The following TMEM39B variants were observed in gnomAD, a reference collection of about 807,000 sequenced individuals.
The protein encoded by TMEM39B is transmembrane protein 39B.
TMEM39B carries 23 observed loss-of-function variants against 52.2 expected under a neutral mutation model. The observed-to-expected ratio is 0.44, with a 90% CI of 0.32 to 0.62. The LOEUF (loss-of-function observed/expected upper bound fraction) is 0.62, where lower values mean the gene tolerates loss of function less well. Among genes scored for constraint, TMEM39B ranks in the 20% least tolerant of loss-of-function variants. The pLI, the probability that TMEM39B is intolerant of heterozygous loss-of-function variation, is 0.06. For synonymous variants in TMEM39B, 285 were observed against 264.0 expected (o/e 1.08, Z -0.77); for missense variants, 547 against 642.0 (o/e 0.85, Z 1.60).
intron 5 of TMEM39B, among the ~76,000 whole-genome samples, chr1:32,083,589 AT>A (rs1162811952): frequency 6.7e-6 from 1 of 149,318 alleles, no homozygotes; most frequent in African/African-American, 2.5e-5. Flanking sequence ...CGCCTGGCTA[AT>A]TTTTTGTATT....
intron 5 of TMEM39B, among the ~76,000 whole-genome samples, chr1:32,085,304 T>C (rs1162751964): frequency 6.6e-6 from 1 of 152,188 alleles, no homozygotes; most frequent in Non-Finnish European, 1.5e-5. Flanking sequence ...TCTCTCTCTC[T>C]CTCTCTTTGT....
rs1639801937 is a variant in TMEM39B, at chr1:32,075,179, G to A, written c.131+102G>A. 2.7e-5 allele frequency: 39 copies of A among 1,449,000 alleles called. No homozygotes were observed. In the South Asian group the frequency reaches 5.3e-4, roughly 20 times the overall value. The allele number at this position is 1,449,000 out of a possible 1,614,324, so 89.8% of individuals were successfully genotyped here. On this transcript the variant is annotated intron_variant, in intron 2 of 8. Transcript: ENST00000336294. ...CTAAGATGTGAAATCCTAGATGCCA[G>A]TGGGGGCTTAGAGGGGAGTAAGCAG...
chr1:32,087,345 C>T (rs796403834), intron 5 of TMEM39B, among the ~76,000 whole-genome samples: 24 of 139,586 alleles, frequency 1.7e-4, no homozygotes, highest in South Asian at 2.3e-4. Flanking sequence ...AAAAAAAGGC[C>T]GGGTGCGGTG....
rs774545528 is a variant in TMEM39B, at chr1:32,100,395, T to A, written c.1116-47T>A. 4 of 1,515,118 alleles carry A rather than the reference T, an allele frequency of 2.6e-6. No homozygotes were observed. In the South Asian group the frequency reaches 5.4e-5, roughly 20 times the overall value. The allele number at this position is 1,515,118 out of a possible 1,614,324, so 93.9% of individuals were successfully genotyped here. A position where few individuals can be genotyped will look rare whatever the true frequency, so the allele number is the denominator to read the frequency against. ...CCTGCCCATTCTTCTGGTATCCCTT[T>A]TGTGGGTGAGCTGGGGATAAGGGGC... On this transcript the variant is annotated intron_variant, in intron 7 of 8. Transcript: ENST00000336294.
chr1:32,077,180 A>T lies in TMEM39B; in HGVS notation c.452A>T (p.Lys151Met), dbSNP rs1295880946. The T allele has an allele frequency of 1.2e-6, 2 of 1,613,946 alleles. No homozygotes were observed. The highest frequency in any genetic ancestry group is 1.7e-5 in the Admixed American group (1 of 59,986). ...SIVKEASQRG[K>M]VSLFRSILLF... The stretch of plus-strand genomic sequence containing the variant: ...CCGACCCAGGCCTCTCAGAGGGGGA[A>T]GGTCTCCCTCTTTCGCTCCATCCTG... Residue 151 changes from lysine (K) to methionine (M), a missense_variant, in exon 5 of 9, where the codon AAG (lysine) becomes ATG (methionine). Transcript: ENST00000336294.
At chr1:32,088,615 T>G (rs924182987) in intron 5 of TMEM39B, among the ~76,000 whole-genome samples, 3 of 149,904 alleles carry the variant, frequency 2.0e-5, no homozygotes, top group Non-Finnish European at 4.4e-5. Flanking sequence ...TTTGATAGAC[T>G]CACATGTAGG....
chr1:32,079,682 C>T (rs530517405), intron 5 of TMEM39B, among the ~76,000 whole-genome samples: 2 of 152,088 alleles, frequency 1.3e-5, no homozygotes, highest in Non-Finnish European at 2.9e-5. Flanking sequence ...TATGGGCATG[C>T]GCCATCATGA....
chr1:32,074,588 G>T (rs1639773434), intron 1 of TMEM39B, among the ~76,000 whole-genome samples: 1 of 152,108 alleles, frequency 6.6e-6, no homozygotes, highest in South Asian at 2.1e-4. Context: ...GTGAATTCTG[G>T]TGGAAAAAAA....
rs139382696 is a variant in TMEM39B at position 32,091,799 on chromosome 1, C to G, written c.715C>G (p.Leu239Val). The change falls in exon 6 of 9, where the codon CTC (leucine) becomes GTC (valine). Residue 239 changes from leucine to valine, a missense_variant. By Grantham distance (32) the Leu-to-Val change is conservative. Coordinates refer to ENST00000336294, the MANE Select transcript of TMEM39B (RefSeq NM_018056.4). The stretch of plus-strand genomic sequence containing the variant: ...TGGCCTGGCAAAGAGCCGGGACTAC[C>G]TCCTGACACTGCGGGAGACGTGGAA... ...VSGLAKSRDYLLTLRETWKQH... is the reference protein window; with the variant it reads ...VSGLAKSRDYVLTLRETWKQH... 1.1e-5 allele frequency: 17 copies of G among 1,614,114 alleles called. No homozygotes were observed. Among genetic ancestry groups the G allele is most frequent in the Non-Finnish European group, 1.2e-5 (14 of 1,180,058 alleles).
intron 5 of TMEM39B, among the ~76,000 whole-genome samples, chr1:32,082,529 A>C (rs956791693): frequency 1.3e-5 from 2 of 151,816 alleles, no homozygotes; most frequent in African/African-American, 4.8e-5. Context: ...ATCTCAGCTC[A>C]CTGCAACCTC....
intron 5 of TMEM39B, among the ~76,000 whole-genome samples, chr1:32,088,354 TTG>T: frequency 1.3e-5 from 2 of 151,520 alleles, no homozygotes; most frequent in African/African-American, 4.9e-5. Context: ...GAGGCGGAGC[TTG>T]CAGTGAGCCA....
At chr1:32,081,761 T>C (rs1640108949) in intron 5 of TMEM39B, among the ~76,000 whole-genome samples, 2 of 151,678 alleles carry the variant, frequency 1.3e-5, no homozygotes, top group African/African-American at 4.8e-5. Flanking sequence ...AAAAAGAAAA[T>C]TATTGATTTA....
rs765845046 is a variant in TMEM39B at position 32,100,578 on chromosome 1, G to A, written c.1236+16G>A. 1.7e-5 allele frequency: 27 copies of A among 1,614,028 alleles called. No individual in the cohort carries two copies. Among genetic ancestry groups the A allele is most frequent in the South Asian group, 1.1e-4 (10 of 91,068 alleles). ...CCGCTTCCATGTGAGTCTCCTCCCC[G>A]GGGAAGGAGGGTTGGGGCCTGAGAG... On this transcript the variant is annotated intron_variant, in intron 8 of 8. Coordinates refer to ENST00000336294, the MANE Select transcript of TMEM39B (RefSeq NM_018056.4).
chr1:32,073,685 C>T (rs1347403922), intron 1 of TMEM39B: 1 of 985,260 alleles, frequency 1.0e-6, no homozygotes, highest in Non-Finnish European at 1.2e-6. Context: ...ATGAACAGAG[C>T]TTCTGGTCTG....
chr1:32,083,043 G>C (rs1488885859), intron 5 of TMEM39B, among the ~76,000 whole-genome samples: 2 of 150,962 alleles, frequency 1.3e-5, no homozygotes, highest in Admixed American at 1.3e-4. Context: ...CAAAGTGCTG[G>C]GATTACAAGC....
intron 5 of TMEM39B, among the ~76,000 whole-genome samples, chr1:32,089,411 T>C (rs1251831150): frequency 1.3e-5 from 2 of 151,790 alleles, no homozygotes; most frequent in Non-Finnish European, 2.9e-5. Context: ...GGATTACAGG[T>C]TTGAACCACC....
At chr1:32,094,446 T>G (rs921682702) in intron 6 of TMEM39B, among the ~76,000 whole-genome samples, 1 of 152,110 alleles carries the variant, frequency 6.6e-6, no homozygotes, top group Non-Finnish European at 1.5e-5. Flanking sequence ...CTATCCTCAT[T>G]TGACAGATGA....
At position 32,091,867 on chromosome 1, in the gene TMEM39B, C is replaced by T; in HGVS notation, c.783C>T (p.Thr261=). ...TGTATGGCCCGGACGCCATGCCCAC[C>T]CATGCCTGCTGCCTGTCACCCAGCC... The part of the protein sequence containing the change: ...RQLYGPDAMP[T]HACCLSPSLI... Residue 261 remains threonine (T), a synonymous_variant, in exon 6 of 9, where the codon ACC becomes ACT. Coordinates refer to ENST00000336294, the MANE Select transcript of TMEM39B (RefSeq NM_018056.4). 1 of 1,614,218 alleles carries T rather than the reference C, an allele frequency of 6.2e-7. No homozygotes were observed. Among genetic ancestry groups the T allele is most frequent in the Non-Finnish European group, 8.5e-7 (1 of 1,180,040 alleles).
chr1:32,089,888 G>A (rs539413056), intron 5 of TMEM39B, among the ~76,000 whole-genome samples: 9 of 151,942 alleles, frequency 5.9e-5, no homozygotes, highest in Non-Finnish European at 1.3e-4. Context: ...AATTAGCTGG[G>A]CATGATGGCG....
Sources: allele counts gnomAD v4.1 joint callset (sites outside exome capture counted in the v4.1 genomes callset), GRCh38; gene constraint gnomAD v4.1.1; transcripts MANE v1.5; gene names NCBI Gene and HGNC (gene_info 2026-07-23, HGNC 2026-07-21).